The following FRMD4A variants were observed in gnomAD, a reference collection of about 807,000 sequenced individuals.
FRMD4A encodes the protein FERM domain-containing protein 4A.
Under a neutral mutation model 129.1 loss-of-function variants are expected in FRMD4A, and 29 were observed. That is an observed-to-expected ratio of 0.22 (90% CI 0.17 to 0.31). The LOEUF is 0.31. FRMD4A is among the 10% of genes least tolerant of loss of function. The probability of loss-of-function intolerance (pLI) is 1.00; values close to 1 mark genes in which losing one functional copy is unlikely to be tolerated. For synonymous variants in FRMD4A, 634 were observed against 571.6 expected, an observed-to-expected ratio of 1.11 and a Z score of -1.56; for missense variants, 1,272 against 1,375.8, an observed-to-expected ratio of 0.92 and a Z score of 1.19.
intron 12 of FRMD4A, among the ~76,000 whole-genome samples, chr10:13,709,119 C>T (rs185057112): frequency 4.5e-4 from 68 of 152,298 alleles, no homozygotes; most frequent in African/African-American, 1.6e-3. Flanking sequence ...TATGCCACCA[C>T]ACCTGGATAA....
At chr10:13,706,512 C>T (rs2087461747) in intron 13 of FRMD4A, among the ~76,000 whole-genome samples, 1 of 152,150 alleles carries the variant, frequency 6.6e-6, no homozygotes, top group African/African-American at 2.4e-5. Context: ...CATCCACCCA[C>T]AATACTAACA....
At chr10:14,317,550 T>C (rs929517382) in intron 2 of FRMD4A, among the ~76,000 whole-genome samples, 2 of 152,196 alleles carry the variant, frequency 1.3e-5, no homozygotes, top group African/African-American at 4.8e-5. Flanking sequence ...CTAAACTTCT[T>C]GAGAGCAGGG....
intron 2 of FRMD4A, among the ~76,000 whole-genome samples, chr10:13,975,418 T>C (rs2095538777): frequency 6.6e-6 from 1 of 152,126 alleles, no homozygotes; most frequent in Admixed American, 6.5e-5. Flanking sequence ...TGTGCATATG[T>C]GTCTGTGCGT....
At chr10:14,055,322 T>C (rs1393440993) in intron 2 of FRMD4A, among the ~76,000 whole-genome samples, 1 of 152,186 alleles carries the variant, frequency 6.6e-6, no homozygotes, top group Admixed American at 6.6e-5. Context: ...GCAGTCTTCA[T>C]CCTCACGTCT....
In FRMD4A at chr10:13,960,938, T is replaced by C. The variant is rs373624539; in HGVS notation, c.46-102026A>G. On this transcript the variant is annotated intron_variant, in intron 2 of 24. Coordinates refer to ENST00000357447, the MANE Select transcript of FRMD4A (RefSeq NM_018027.5). ...CATCGAATGATCCTATGGAAGGCTG[T>C]GTACCTACCAGAGCATGTTTAACTT... Among the ~76,000 whole-genome samples, 29 of 152,346 alleles carry C rather than the reference T, an allele frequency of 1.9e-4. No homozygotes were observed. The East Asian group carries it at 5.4e-3, about 28-fold the overall frequency.
At chr10:14,218,077 G>T (rs544920416) in intron 2 of FRMD4A, among the ~76,000 whole-genome samples, 2 of 152,124 alleles carry the variant, frequency 1.3e-5, no homozygotes, top group Non-Finnish European at 2.9e-5. Context: ...TGATCCACCC[G>T]CCTGGGCCTC....
chr10:14,043,408 CA>C (rs1833861713), intron 2 of FRMD4A, among the ~76,000 whole-genome samples: 1 of 152,194 alleles, frequency 6.6e-6, no homozygotes, highest in Admixed American at 6.5e-5. Context: ...GATTTATCCA[CA>C]AATTTTTTTT....
intron 2 of FRMD4A, among the ~76,000 whole-genome samples, chr10:13,924,352 A>G (rs1389467904): frequency 1.3e-5 from 2 of 151,688 alleles, no homozygotes; most frequent in Non-Finnish European, 2.9e-5. Flanking sequence ...AAAAATCAAC[A>G]TTATTTGGAA....
intron 2 of FRMD4A, among the ~76,000 whole-genome samples, chr10:14,308,838 G>A (rs1846439460): frequency 6.6e-6 from 1 of 152,142 alleles, no homozygotes; most frequent in African/African-American, 2.4e-5. Context: ...TGGTCAAATT[G>A]TTTTCACATA....
intron 2 of FRMD4A, among the ~76,000 whole-genome samples, chr10:14,125,068 G>A (rs147429819): frequency 9.3e-4 from 141 of 152,280 alleles, no homozygotes; most frequent in African/African-American, 3.2e-3. Flanking sequence ...GTCGACGAAA[G>A]TAAAGTTAAT....
At chr10:14,202,140 GAA>G (rs67184304) in intron 2 of FRMD4A, among the ~76,000 whole-genome samples, 76 of 147,348 alleles carry the variant, frequency 5.2e-4, no homozygotes, top group East Asian at 1.0e-3. Context: ...TCCGTCTCAA[GAA>G]AAAAAAAAAA....
chr10:13,736,333 G>T (rs969848395), intron 12 of FRMD4A, among the ~76,000 whole-genome samples: 6 of 152,084 alleles, frequency 3.9e-5, no homozygotes, highest in African/African-American at 1.4e-4. Context: ...CACAATTGAG[G>T]AACACAAAGC....
At chr10:14,130,636 G>T (rs761627126) in intron 2 of FRMD4A, among the ~76,000 whole-genome samples, 2 of 152,110 alleles carry the variant, frequency 1.3e-5, no homozygotes, top group Non-Finnish European at 2.9e-5. Context: ...ATTGGTAAGC[G>T]CAGACTGACA....
In FRMD4A at chr10:14,097,428, G is replaced by A. The variant is rs148387785; in HGVS notation, c.45+232630C>T. 4.1e-4 allele frequency among the ~76,000 whole-genome samples: 62 copies of A among 152,104 alleles called. 2 individuals carry two copies. In the East Asian group the frequency reaches 0.011, roughly 27 times the overall value. ...TTCCTGAGCACTAACTACGTTCTAG[G>A]CAACTGTACTAAATGCTTTTAAGTG... On this transcript the variant is annotated intron_variant, in intron 2 of 24. Coordinates refer to ENST00000357447, the MANE Select transcript of FRMD4A (RefSeq NM_018027.5).
In FRMD4A at chr10:13,709,026, G is replaced by C. The variant is rs183422759; in HGVS notation, c.760-1913C>G. ...CCCCCAGGCTGGAGTGCAGTGTCACGATCTCGGCTCACTGCAACCTCTGCC... is the reference window on the plus strand; with the variant it reads ...CCCCCAGGCTGGAGTGCAGTGTCACCATCTCGGCTCACTGCAACCTCTGCC... On this transcript the variant is annotated intron_variant, in intron 12 of 24. Coordinates refer to ENST00000357447, the MANE Select transcript of FRMD4A (RefSeq NM_018027.5). Among the ~76,000 whole-genome samples, 475 of 152,084 alleles carry C rather than the reference G, an allele frequency of 3.1e-3. 2 individuals are homozygous for C. Among genetic ancestry groups the C allele is most frequent in the Middle Eastern group, 0.01 (3 of 294 alleles).
intron 2 of FRMD4A, among the ~76,000 whole-genome samples, chr10:14,037,493 C>T (rs1833556205): frequency 1.3e-5 from 2 of 152,242 alleles, no homozygotes; most frequent in Admixed American, 1.3e-4. Context: ...GCTGGGATTA[C>T]AGGTGTGAGC....
Position 13,740,492 on chromosome 10 carries a change from G to A in FRMD4A, c.614+20C>T, listed in dbSNP as rs1287789093. ...ACACACAAACACTGTCCCCATGTGAGCTGGGAAGGGGCCACTTACTTTACG... is the reference window on the plus strand; with the variant it reads ...ACACACAAACACTGTCCCCATGTGAACTGGGAAGGGGCCACTTACTTTACG... On this transcript the variant is annotated intron_variant, in intron 10 of 24. Transcript: ENST00000357447. 2.1e-6 allele frequency: 3 copies of A among 1,458,398 alleles called. No homozygotes were observed. The Admixed American group carries it at 5.2e-5, about 25-fold the overall frequency. The allele number at this position is 1,458,398 out of a possible 1,614,324, so 90.3% of individuals were successfully genotyped here.
At chr10:14,088,593 C>T (rs537142167) in intron 2 of FRMD4A, among the ~76,000 whole-genome samples, 1 of 151,952 alleles carries the variant, frequency 6.6e-6, no homozygotes, top group East Asian at 1.9e-4. Context: ...ACGGCAAAAC[C>T]CCATTTCTAC....
chr10:14,100,961 C>T (rs1671849010), intron 2 of FRMD4A, among the ~76,000 whole-genome samples: 3 of 152,124 alleles, frequency 2.0e-5, no homozygotes, highest in Admixed American at 1.3e-4. Context: ...TGGGTCCTCA[C>T]AACGTGTGGG....
Sources: allele counts gnomAD v4.1 joint callset (sites outside exome capture counted in the v4.1 genomes callset), GRCh38; gene constraint gnomAD v4.1.1; transcripts MANE v1.5; gene names NCBI Gene and HGNC (gene_info 2026-07-23, HGNC 2026-07-21).